SNX8: variants seen among roughly 807,000 people sequenced by gnomAD.
SNX8 encodes the protein sorting nexin-8.
SNX8 carries 25 observed loss-of-function variants against 51.6 expected under a neutral mutation model. The ratio of observed to expected loss-of-function variants is 0.48; its 90% CI spans 0.35 to 0.68. SNX8 has a LOEUF of 0.68. Among genes scored for constraint, SNX8 ranks in the 30% least tolerant of loss-of-function variants. The probability of loss-of-function intolerance (pLI) is 0.00; values close to 1 mark genes in which losing one functional copy is unlikely to be tolerated. For synonymous variants in SNX8, 324 were observed against 277.0 expected (o/e 1.17, Z -1.68); for missense variants, 695 against 624.0 (o/e 1.11, Z -1.21).
At chr7:2,335,455 C>T (rs1778810224) in intron 1 of SNX8, among the ~76,000 whole-genome samples, 1 of 151,326 alleles carries the variant, frequency 6.6e-6, no homozygotes, top group Admixed American at 6.6e-5. Flanking sequence ...TCGAAACCCG[C>T]CTGGGCAACA....
At chr7:2,322,583 A>C (rs927712733) in intron 1 of SNX8, among the ~76,000 whole-genome samples, 6 of 151,742 alleles carry the variant, frequency 4.0e-5, no homozygotes, top group African/African-American at 1.5e-4. Context: ...AATCCCAGCT[A>C]CTCGGGAGGC....
rs1778953318 is a variant in SNX8 at position 2,342,631 on chromosome 7, G to T, written c.-66+11591C>A. On this transcript the variant is annotated intron_variant, in intron 1 of 5. Transcript: ENST00000435336. ...ATCAGGCCACTGCACTGCAGCCTAG[G>T]CGACAGAGCGAGACTCCATCTCCCA... Among the ~76,000 whole-genome samples, 3 of 151,172 alleles carry T rather than the reference G, an allele frequency of 2.0e-5. No homozygotes were observed. The South Asian group carries it at 6.3e-4, about 32-fold the overall frequency.
Position 2,327,835 on chromosome 7 carries a change from G to A in SNX8, c.-66+26387C>T, listed in dbSNP as rs116002398. ...GGGATTGACAGGCGTGAGCCACCGC[G>A]CCTGGCCAGCATTTTCTTTTTCTTA... is the stretch of plus-strand genomic sequence containing the variant. On this transcript the variant is annotated intron_variant, in intron 1 of 5. Coordinates refer to the SNX8 transcript ENST00000435336. Among the ~76,000 whole-genome samples, 734 of 152,010 alleles carry A rather than the reference G, an allele frequency of 4.8e-3. 3 individuals carry two copies. The highest frequency in any genetic ancestry group is 0.016 in the African/African-American group (683 of 41,488).
intron 1 of SNX8, chr7:2,309,722 A>G: frequency 2.2e-6 from 1 of 456,508 alleles, no homozygotes; most frequent in Non-Finnish European, 4.5e-6. Flanking sequence ...CAAGAGCGAG[A>G]CTCCATCTCA....
chr7:2,304,736 C>CCGT (rs1455471134), intron 1 of SNX8, among the ~76,000 whole-genome samples: 2 of 152,104 alleles, frequency 1.3e-5, no homozygotes, highest in African/African-American at 4.8e-5. Context: ...CGTGCACATG[C>CCGT]CGTCCTGAGA....
At chr7:2,275,066 T>C (rs1012885240) in intron 3 of SNX8, 46 bp downstream of exon 3, 3 of 1,313,842 alleles carry the variant, frequency 2.3e-6, no homozygotes, top group East Asian at 2.3e-5. Flanking sequence ...GTCCAGGAGA[T>C]GGGCTCGCTC....
chr7:2,333,895 G>A (rs571045523), intron 1 of SNX8, among the ~76,000 whole-genome samples: 1 of 152,284 alleles, frequency 6.6e-6, no homozygotes, highest in East Asian at 1.9e-4. Flanking sequence ...CCAGCACTTT[G>A]GGAGGCCAAG....
chr7:2,314,001 G>A (rs1267779901), intron 1 of SNX8, among the ~76,000 whole-genome samples: 1 of 152,234 alleles, frequency 6.6e-6, no homozygotes, highest in African/African-American at 2.4e-5. Context: ...GGAACGGGGC[G>A]AGGAGGAAAC....
At chr7:2,304,196 C>A (rs1366268223) in intron 1 of SNX8, among the ~76,000 whole-genome samples, 3 of 145,934 alleles carry the variant, frequency 2.1e-5, no homozygotes, top group African/African-American at 5.0e-5. Flanking sequence ...AGTTGGGGAT[C>A]AGTGGGACTC....
intron 1 of SNX8, among the ~76,000 whole-genome samples, chr7:2,326,206 A>T (rs1355256135): frequency 6.6e-6 from 1 of 151,870 alleles, no homozygotes; most frequent in Non-Finnish European, 1.5e-5. Context: ...CTCTACAAAA[A>T]ATACACAAAT....
chr7:2,303,287 G>T lies in SNX8; in HGVS notation c.94+11041C>A, dbSNP rs369620433. The stretch of plus-strand genomic sequence containing the variant: ...GCCCCGTCCGGGAGGGAGGTGGGGG[G>T]GTCAGCCCCCCGCCCGGCCAGCCGC... On this transcript the variant is annotated intron_variant, in intron 1 of 10. Transcript: ENST00000222990. Among the ~76,000 whole-genome samples, 861 of 149,884 alleles carry T rather than the reference G, an allele frequency of 5.7e-3. 13 individuals carry two copies. The East Asian group carries it at 0.076, about 13-fold the overall frequency.
intron 1 of SNX8, among the ~76,000 whole-genome samples, chr7:2,353,622 ATCAAGTACAT>A (rs1418544701): frequency 1.4e-4 from 22 of 152,012 alleles, no homozygotes; most frequent in African/African-American, 5.3e-4. Flanking sequence ...GTTCAGTGGC[ATCAAGTACAT>A]TCACCATGTT....
At position 2,258,284 on chromosome 7, in the gene SNX8, G is replaced by A. The variant is rs577461233; in HGVS notation, c.916-481C>T. ...GCCCGCCTCGGCCTCCCAAAGTGCT[G>A]GATTACAGGCGTGAGCCACCGCGCT... is the stretch of plus-strand genomic sequence containing the variant. On this transcript the variant is annotated intron_variant, in intron 7 of 10. Coordinates refer to ENST00000222990, the MANE Select transcript of SNX8 (RefSeq NM_013321.4). Among the ~76,000 whole-genome samples the A allele has an allele frequency of 1.4e-4, 22 of 152,152 alleles. No individual in the cohort carries two copies. The South Asian group carries it at 4.4e-3, about 30-fold the overall frequency.
intron 1 of SNX8, among the ~76,000 whole-genome samples, chr7:2,284,626 G>A (rs972678831): frequency 1.3e-5 from 2 of 150,846 alleles, no homozygotes; most frequent in Non-Finnish European, 3.0e-5. Flanking sequence ...GGCTGGTCTC[G>A]ATCTCCTGAC....
chr7:2,350,698 G>T (rs1203177136), intron 1 of SNX8, among the ~76,000 whole-genome samples: 2 of 152,062 alleles, frequency 1.3e-5, no homozygotes, highest in East Asian at 3.9e-4. Flanking sequence ...TTAGGTTGGA[G>T]TGCAGTGGCA....
chr7:2,295,772 G>A (rs969380829), intron 1 of SNX8, among the ~76,000 whole-genome samples: 2 of 152,058 alleles, frequency 1.3e-5, no homozygotes, highest in Admixed American at 6.6e-5. Context: ...TGGTGAGAGC[G>A]AGCGACCCAG....
At chr7:2,333,763 C>T (rs1311956215) in intron 1 of SNX8, among the ~76,000 whole-genome samples, 2 of 152,140 alleles carry the variant, frequency 1.3e-5, no homozygotes, top group Non-Finnish European at 2.9e-5. Flanking sequence ...GAATCAATGT[C>T]GATTTGAAGA....
intron 1 of SNX8, among the ~76,000 whole-genome samples, chr7:2,343,152 A>G (rs1483493517): frequency 1.3e-5 from 2 of 151,744 alleles, no homozygotes; most frequent in African/African-American, 2.4e-5. Flanking sequence ...GCTGGTCTCT[A>G]ACTCCTGACC....
chr7:2,275,073 G>T, intron 3 of SNX8, 39 bp downstream of exon 3: 1 of 1,394,240 alleles, frequency 7.2e-7, no homozygotes, highest in Non-Finnish European at 1.0e-6. Context: ...AGATGGGCTC[G>T]CTCCCTCCGC....
Sources: allele counts gnomAD v4.1 joint callset (sites outside exome capture counted in the v4.1 genomes callset), GRCh38; gene constraint gnomAD v4.1.1; transcripts MANE v1.5; gene names NCBI Gene and HGNC (gene_info 2026-07-23, HGNC 2026-07-21).